EIF4G3: variants seen among roughly 807,000 people sequenced by gnomAD.
The protein encoded by EIF4G3 is eIF-4-gamma 3.
In EIF4G3, 34 loss-of-function variants were observed where a neutral mutation model predicts 186.4. The observed-to-expected ratio is 0.18, with a 90% confidence interval of 0.14 to 0.24. EIF4G3 has a LOEUF of 0.24. Ranked by LOEUF, EIF4G3 falls within the 10% of genes least tolerant of loss-of-function variation. The pLI is 1.00. For synonymous variants in EIF4G3, 673 were observed against 679.5 expected (o/e 0.99, Z 0.15); for missense variants, 1,536 against 1,948.5 (o/e 0.79, Z 3.99).
chr1:21,056,260 A>G lies in EIF4G3; in HGVS notation c.-195-5266T>C, dbSNP rs531787416. On this transcript the variant is annotated intron_variant, in intron 3 of 36. Transcript: ENST00000602326. ...TAATAAAAGCAGGCCAAAGAAAATA[A>G]GTCTGTATCAAAATAATAGAAGAAC... Among the ~76,000 whole-genome samples, 191 of 152,348 alleles carry G rather than the reference A, an allele frequency of 1.3e-3. 1 individual carries two copies. The highest frequency in any genetic ancestry group is 4.4e-3 in the African/African-American group (184 of 41,586).
intron 4 of EIF4G3, among the ~76,000 whole-genome samples, chr1:21,032,874 A>G (rs1041531351): frequency 2.6e-5 from 4 of 152,238 alleles, no homozygotes; most frequent in Non-Finnish European, 5.9e-5. Flanking sequence ...GCTGGCATAC[A>G]TAAACCAGAA....
intron 2 of EIF4G3, among the ~76,000 whole-genome samples, chr1:21,149,373 AC>A (rs1478177539): frequency 1.3e-5 from 2 of 152,134 alleles, no homozygotes; most frequent in African/African-American, 4.8e-5. Flanking sequence ...CATAATGATC[AC>A]ATATGGCTTT....
chr1:21,167,449 AC>A (rs1481255801), intron 2 of EIF4G3, among the ~76,000 whole-genome samples: 1 of 152,126 alleles, frequency 6.6e-6, no homozygotes, highest in Non-Finnish European at 1.5e-5. Context: ...CAGATGGATC[AC>A]CTGAGATGAA....
At chr1:21,047,980 G>A in intron 4 of EIF4G3, among the ~76,000 whole-genome samples, 1 of 152,130 alleles carries the variant, frequency 6.6e-6, no homozygotes, top group East Asian at 1.9e-4. Context: ...GATTTACTGG[G>A]TTCATTCATT....
rs553099617 is a variant in EIF4G3 at position 20,977,800 on chromosome 1, C to T, written c.493+2534G>A. On this transcript the variant is annotated intron_variant, in intron 10 of 36. Transcript: ENST00000602326. ...ATAATATTGTACATTCAAATCTGCACATTATGTCTCTACTAGTAAATTCAT... is the reference window on the plus strand; with the variant it reads ...ATAATATTGTACATTCAAATCTGCATATTATGTCTCTACTAGTAAATTCAT... 9.2e-5 allele frequency among the ~76,000 whole-genome samples: 14 copies of T among 152,226 alleles called. No individual in the cohort carries two copies. The South Asian group carries it at 2.9e-3, about 32-fold the overall frequency.
chr1:21,161,144 T>G (rs1472025104), intron 2 of EIF4G3, among the ~76,000 whole-genome samples: 1 of 145,866 alleles, frequency 6.9e-6, no homozygotes, highest in Non-Finnish European at 1.5e-5. Context: ...GCACTCCAGC[T>G]TGGGCAAGAG....
intron 3 of EIF4G3, among the ~76,000 whole-genome samples, chr1:21,053,087 G>C (rs2094340473): frequency 1.3e-5 from 2 of 150,986 alleles, no homozygotes; most frequent in South Asian, 4.2e-4. Context: ...GCCCAGTCTG[G>C]AAAGTGAGGA....
intron 4 of EIF4G3, among the ~76,000 whole-genome samples, chr1:21,012,389 G>A (rs1303552722): frequency 6.6e-6 from 1 of 152,070 alleles, no homozygotes; most frequent in Non-Finnish European, 1.5e-5. Flanking sequence ...CTTGAAATAA[G>A]AGAAGTAGCA....
At chr1:20,849,938 C>T (rs577271633) in intron 28 of EIF4G3, among the ~76,000 whole-genome samples, 4 of 152,284 alleles carry the variant, frequency 2.6e-5, no homozygotes, top group Admixed American at 2.0e-4. Flanking sequence ...TACAGCTCTG[C>T]TCACAGTAAT....
At chr1:20,991,631 T>A (rs936528656) in intron 7 of EIF4G3, among the ~76,000 whole-genome samples, 2 of 151,968 alleles carry the variant, frequency 1.3e-5, no homozygotes, top group African/African-American at 4.8e-5. Context: ...AAGTGCTCTA[T>A]AGCCATGTAT....
intron 4 of EIF4G3, among the ~76,000 whole-genome samples, chr1:21,007,962 CT>C (rs1272852032): frequency 6.6e-6 from 1 of 152,196 alleles, no homozygotes; most frequent in African/African-American, 2.4e-5. Context: ...AAGAAAACCT[CT>C]GTCCTCCAGC....
chr1:21,076,513 A>G (rs2095593740), intron 3 of EIF4G3, among the ~76,000 whole-genome samples: 1 of 152,100 alleles, frequency 6.6e-6, no homozygotes, highest in South Asian at 2.1e-4. Context: ...AAAAAATAAA[A>G]AAATAGAGAC....
At chr1:20,892,656 A>T in intron 18 of EIF4G3, 1 of 1,536,072 alleles carries the variant, frequency 6.5e-7, no homozygotes, top group Non-Finnish European at 8.7e-7. Context: ...GTGTGACATC[A>T]CCAGTGGAGG....
At position 20,980,417 on chromosome 1, in the gene EIF4G3, G is replaced by A. The variant is rs147841357; in HGVS notation, c.410C>T (p.Pro137Leu). ...YRHSGPPYVG[P>L]PQQYPVQPPG... ...TGGTTGAACTGGATATTGTTGGGGGGGCCCAACATAAGGAGGGCCACTATG... is the reference window on the plus strand; with the variant it reads ...TGGTTGAACTGGATATTGTTGGGGGAGCCCAACATAAGGAGGGCCACTATG... The change falls in exon 10 of 37, where the codon CCC becomes CTC. Residue 137 changes from proline to leucine, a missense_variant. Physicochemically the swap from Pro to Leu is moderately conservative, Grantham distance 98. Around this residue, in one of 11 missense-constraint regions of EIF4G3, gnomAD observed 194 missense variants for 212.8 expected, o/e 0.91. Transcript: ENST00000602326. 26 of 1,543,304 alleles carry A rather than the reference G, an allele frequency of 1.7e-5. 1 individual carries two copies. The highest frequency in any genetic ancestry group is 2.6e-5 in the East Asian group (1 of 39,202).
In EIF4G3 at chr1:20,969,419, T is replaced by G. The variant is rs1569886274; in HGVS notation, c.714+55A>C. 3 of 1,603,482 alleles carry G rather than the reference T, an allele frequency of 1.9e-6. No homozygotes were observed. The East Asian group carries it at 6.7e-5, about 36-fold the overall frequency. On this transcript the variant is annotated intron_variant, in intron 12 of 36. Coordinates refer to ENST00000602326, the MANE Select transcript of EIF4G3 (RefSeq NM_001391906.1). ...AAGTGGCTATAGAAGAAAGAAGAGT[T>G]CAGTAGAGGTTAGTGAACAAATAGT...
chr1:21,025,437 G>A (rs1309865911), intron 4 of EIF4G3, among the ~76,000 whole-genome samples: 1 of 151,932 alleles, frequency 6.6e-6, no homozygotes, highest in African/African-American at 2.4e-5. Context: ...AACAGCAGTG[G>A]ATCTCGACAG....
At chr1:21,018,624 G>C (rs906962199) in intron 4 of EIF4G3, among the ~76,000 whole-genome samples, 10 of 151,984 alleles carry the variant, frequency 6.6e-5, no homozygotes, top group Non-Finnish European at 1.5e-4. Context: ...ATCTCATATT[G>C]AAATGTGACC....
chr1:20,902,622 T>C (rs1048576308), intron 15 of EIF4G3, among the ~76,000 whole-genome samples: 1 of 152,288 alleles, frequency 6.6e-6, no homozygotes, highest in Admixed American at 6.5e-5. Context: ...TGTCTTGCTT[T>C]AGTTTTTAAA....
At chr1:21,087,660 G>A (rs1219554906) in intron 3 of EIF4G3, among the ~76,000 whole-genome samples, 1 of 151,564 alleles carries the variant, frequency 6.6e-6, no homozygotes, top group Non-Finnish European at 1.5e-5. Context: ...TTGAGACGGA[G>A]TCTCGCTCTG....
Sources: allele counts gnomAD v4.1 joint callset (sites outside exome capture counted in the v4.1 genomes callset), GRCh38; gene constraint gnomAD v4.1.1; regional missense constraint gnomAD v4.1.1; transcripts MANE v1.5; gene names NCBI Gene and HGNC (gene_info 2026-07-23, HGNC 2026-07-21).